Variants in TNFRSF10B observed in about 807,000 individuals in gnomAD.
TNFRSF10B encodes tumor necrosis factor receptor superfamily member 10B.
In TNFRSF10B, 35 loss-of-function variants were observed where a neutral mutation model predicts 41.4. The observed-to-expected ratio is 0.85, with a 90% CI of 0.65 to 1.12. The LOEUF is 1.12. TNFRSF10B is among the 50% of genes most tolerant of loss of function. The pLI is 0.00. For synonymous variants in TNFRSF10B, 230 were observed against 215.5 expected, an observed-to-expected ratio of 1.07 and a Z score of -0.59; for missense variants, 584 against 552.7, an observed-to-expected ratio of 1.06 and a Z score of -0.57.
chr8:23,044,707 T>G (rs757721402), intron 1 of TNFRSF10B, among the ~76,000 whole-genome samples: 1 of 151,924 alleles, frequency 6.6e-6, no homozygotes, highest in Non-Finnish European at 1.5e-5. Context: ...CAAGACTTAA[T>G]GTTGTACCTC....
chr8:23,023,917 G>A (rs566983572), intron 8 of TNFRSF10B, among the ~76,000 whole-genome samples: 95 of 152,230 alleles, frequency 6.2e-4, no homozygotes, highest in Middle Eastern at 3.4e-3. Flanking sequence ...AGGGGCAGGC[G>A]GGGGCTACAT....
rs779563719 is a variant in TNFRSF10B, at chr8:23,068,967, G to A, written c.-73C>T. The A allele has an allele frequency of 3.2e-5, 52 of 1,610,100 alleles. No individual in the cohort carries two copies. The South Asian group carries it at 5.6e-4, about 17-fold the overall frequency. ...CCTTAAAGTAGATCGGGCATCGTCG[G>A]TGTATTTTGTGGGCGCAGAGATTGC... On this transcript the variant is annotated 5_prime_UTR_variant, in exon 1 of 9. Transcript: ENST00000276431.
At chr8:23,053,629 G>C (rs192432814) in intron 1 of TNFRSF10B, among the ~76,000 whole-genome samples, 1 of 152,252 alleles carries the variant, frequency 6.6e-6, no homozygotes, top group African/African-American at 2.4e-5. Flanking sequence ...GTTTCTCTTA[G>C]AGCACTAACC....
chr8:23,047,955 G>C (rs1812411210), intron 1 of TNFRSF10B, among the ~76,000 whole-genome samples: 1 of 152,148 alleles, frequency 6.6e-6, no homozygotes, highest in Non-Finnish European at 1.5e-5. Flanking sequence ...CAATCAACCT[G>C]TGTCCACCAA....
intron 1 of TNFRSF10B, among the ~76,000 whole-genome samples, chr8:23,059,176 T>C (rs1023119859): frequency 1.3e-5 from 2 of 152,222 alleles, no homozygotes; most frequent in African/African-American, 4.8e-5. Flanking sequence ...GTGCCAGTAT[T>C]TCCTTCCTTT....
intron 1 of TNFRSF10B, among the ~76,000 whole-genome samples, chr8:23,046,415 T>C (rs1812360053): frequency 6.6e-6 from 1 of 151,830 alleles, no homozygotes; most frequent in Non-Finnish European, 1.5e-5. Context: ...AAAACACTAA[T>C]GAACAAAACA....
chr8:23,062,095 GA>G (rs1304984175), intron 1 of TNFRSF10B, among the ~76,000 whole-genome samples: 1 of 152,178 alleles, frequency 6.6e-6, no homozygotes, highest in Non-Finnish European at 1.5e-5. Flanking sequence ...AAGAGTTTGA[GA>G]AGTAGTGGTA....
At chr8:23,035,796 G>T (rs539747378) in intron 2 of TNFRSF10B, among the ~76,000 whole-genome samples, 1 of 152,302 alleles carries the variant, frequency 6.6e-6, no homozygotes, top group East Asian at 1.9e-4. Context: ...TGCTTATTTT[G>T]ATTTTGGTGG....
At chr8:23,064,670 C>A (rs1236972572) in intron 1 of TNFRSF10B, among the ~76,000 whole-genome samples, 1 of 152,210 alleles carries the variant, frequency 6.6e-6, no homozygotes, top group Non-Finnish European at 1.5e-5. Flanking sequence ...GTGATTCAGG[C>A]TCCTTGCTTT....
rs1360945405 is a variant in TNFRSF10B, at chr8:23,022,313, G to A, written c.*358C>T. 1.1e-5 allele frequency: 5 copies of A among 460,818 alleles called. No homozygotes were observed. Among genetic ancestry groups the A allele is most frequent in the East Asian group, 6.8e-5 (1 of 14,748 alleles). 28.5% of individuals were successfully genotyped at this position (460,818 alleles called of 1,614,324 possible). On this transcript the variant is annotated 3_prime_UTR_variant, in exon 9 of 9. Transcript: ENST00000276431. Reference sequence around the variant, plus strand: ...ATAGTATCAAGTGAAGTCGGACAACGACTGTGTAGATGGATCTTACAATGT... The same window carrying A: ...ATAGTATCAAGTGAAGTCGGACAACAACTGTGTAGATGGATCTTACAATGT...
At chr8:23,048,578 T>A (rs1812433098) in intron 1 of TNFRSF10B, among the ~76,000 whole-genome samples, 1 of 152,150 alleles carries the variant, frequency 6.6e-6, no homozygotes, top group Admixed American at 6.5e-5. Flanking sequence ...ATTTTTGAGA[T>A]CTGTTGCACA....
At chr8:23,037,453 T>C (rs1812059300) in intron 2 of TNFRSF10B, among the ~76,000 whole-genome samples, 1 of 152,364 alleles carries the variant, frequency 6.6e-6, no homozygotes, top group Admixed American at 6.5e-5. Flanking sequence ...GCATTTTTAC[T>C]GGAAGAGAAG....
intron 1 of TNFRSF10B, among the ~76,000 whole-genome samples, chr8:23,066,167 C>T (rs1005098764): frequency 1.3e-5 from 2 of 151,974 alleles, no homozygotes; most frequent in African/African-American, 4.8e-5. Context: ...CCTGTGGTCC[C>T]AGCTACTTGG....
chr8:23,068,818 C>G lies in TNFRSF10B; in HGVS notation c.77G>C (p.Arg26Pro). ...GACCCGGGGCCCAGGCCTGGCTCCC[C>G]GCGCCTCCCTGGGTCCTGGGCCGTG... ...KRHGPGPREA[R>P]GARPGPRVPK... The change falls in exon 1 of 9, where the codon CGG (arginine) becomes CCG (proline). Residue 26 changes from arginine to proline, a missense_variant. Physicochemically the swap from Arg to Pro is moderately radical, Grantham distance 103. Coordinates refer to ENST00000276431, the MANE Select transcript of TNFRSF10B (RefSeq NM_003842.5). The G allele has an allele frequency of 6.2e-7, 1 of 1,612,236 alleles. No homozygotes were observed.
chr8:23,055,521 T>TAAAAAAAAAAAAAAAAAAAAAAAAAAA (rs34761330), intron 1 of TNFRSF10B, among the ~76,000 whole-genome samples: 2 of 120,548 alleles, frequency 1.7e-5, no homozygotes, highest in African/African-American at 3.1e-5. Context: ...ATTAAATGCT[T>TAAAAAAAAAAAAAAAAAAAAAAAAAAA]AAAAAAAAAA....
chr8:23,058,272 C>T (rs1812727219), intron 1 of TNFRSF10B, among the ~76,000 whole-genome samples: 1 of 152,084 alleles, frequency 6.6e-6, no homozygotes, highest in African/African-American at 2.4e-5. Flanking sequence ...CTCTTATAAA[C>T]ATTATGTAGT....
At chr8:23,033,554 C>T (rs910294104) in intron 2 of TNFRSF10B, among the ~76,000 whole-genome samples, 15 of 124,292 alleles carry the variant, frequency 1.2e-4, no homozygotes, top group Admixed American at 3.2e-4. Flanking sequence ...CGCCACTGCA[C>T]TCCAGCCTGG....
intron 1 of TNFRSF10B, among the ~76,000 whole-genome samples, chr8:23,045,423 G>A (rs1245083415): frequency 1.3e-5 from 2 of 152,138 alleles, no homozygotes; most frequent in East Asian, 3.8e-4. Context: ...TAATGATTAA[G>A]GATATTGAAT....
rs1315031677 is a variant in TNFRSF10B at position 23,022,663 on chromosome 8, A to G, written c.*8T>C. On this transcript the variant is annotated 3_prime_UTR_variant, in exon 9 of 9. Coordinates refer to ENST00000276431, the MANE Select transcript of TNFRSF10B (RefSeq NM_003842.5). ...AGGGAAGGTCTGACTTCCTGAAGAGAATCACACTTAGGACATGGCAGAGTC... is the reference window on the plus strand; with the variant it reads ...AGGGAAGGTCTGACTTCCTGAAGAGGATCACACTTAGGACATGGCAGAGTC... The G allele has an allele frequency of 1.9e-6, 3 of 1,614,014 alleles. No individual in the cohort carries two copies. In the South Asian group the frequency reaches 3.3e-5, roughly 18 times the overall value.
Sources: allele counts gnomAD v4.1 joint callset (sites outside exome capture counted in the v4.1 genomes callset), GRCh38; gene constraint gnomAD v4.1.1; transcripts MANE v1.5; gene names NCBI Gene and HGNC (gene_info 2026-07-23, HGNC 2026-07-21).